NRG3: variants seen among roughly 807,000 people sequenced by gnomAD.
The protein encoded by NRG3 is neuregulin 3, also known as pro-neuregulin-3, membrane-bound isoform.
NRG3 carries 31 observed loss-of-function variants against 66.9 expected under a neutral mutation model. The observed-to-expected ratio is 0.46, with a 90% confidence interval of 0.35 to 0.63. The LOEUF (loss-of-function observed/expected upper bound fraction) is 0.63. Ranked by LOEUF, NRG3 falls within the 20% of genes least tolerant of loss-of-function variation. The probability of loss-of-function intolerance (pLI) is 0.00; values close to 1 mark genes in which losing one functional copy is unlikely to be tolerated. For synonymous variants in NRG3, 393 were observed against 359.4 expected, an observed-to-expected ratio of 1.09 and a Z score of -1.06; for missense variants, 910 against 878.9, an observed-to-expected ratio of 1.04 and a Z score of -0.45.
chr10:82,395,759 CCA>C (rs928507001), intron 2 of NRG3, among the ~76,000 whole-genome samples: 2 of 152,046 alleles, frequency 1.3e-5, no homozygotes, highest in African/African-American at 4.8e-5. Flanking sequence ...CTGTTGCTTT[CCA>C]CAGTCATGTG....
intron 1 of NRG3, among the ~76,000 whole-genome samples, chr10:82,225,942 T>C (rs2076144896): frequency 6.6e-6 from 1 of 152,154 alleles, no homozygotes; most frequent in Admixed American, 6.5e-5. Flanking sequence ...TCCATACCCG[T>C]TTCTTCTACG....
At chr10:82,020,005 C>T (rs554854637) in intron 1 of NRG3, among the ~76,000 whole-genome samples, 24 of 152,000 alleles carry the variant, frequency 1.6e-4, no homozygotes, top group African/African-American at 5.1e-4. Context: ...GCTCTTGCTT[C>T]TCTAGTTCTT....
chr10:82,495,867 C>A (rs1332594669), intron 2 of NRG3, among the ~76,000 whole-genome samples: 1 of 150,944 alleles, frequency 6.6e-6, no homozygotes, highest in Non-Finnish European at 1.5e-5. Flanking sequence ...TGGTGTCCTG[C>A]CACTTTCTCT....
At chr10:81,897,784 T>C (rs76984547) in intron 1 of NRG3, among the ~76,000 whole-genome samples, 1 of 152,228 alleles carries the variant, frequency 6.6e-6, no homozygotes, top group South Asian at 2.1e-4. Flanking sequence ...GAAGTGGATG[T>C]GGAGACCCAC....
Position 82,686,843 on chromosome 10 carries a change from C to A in NRG3, c.954-51734C>A, listed in dbSNP as rs368177211. 1.4e-4 allele frequency among the ~76,000 whole-genome samples: 22 copies of A among 152,168 alleles called. No individual in the cohort carries two copies. In the South Asian group the frequency reaches 2.3e-3, roughly 16 times the overall value. On this transcript the variant is annotated intron_variant, in intron 2 of 8. Transcript: ENST00000372141. ...CAAAAATCACTGAAATTGATCAATGCATATAGGTTTTGGGTCTATGAAAAA... is the reference window on the plus strand; with the variant it reads ...CAAAAATCACTGAAATTGATCAATGAATATAGGTTTTGGGTCTATGAAAAA...
chr10:82,953,659 T>C (rs1849739897), intron 5 of NRG3, among the ~76,000 whole-genome samples: 1 of 151,946 alleles, frequency 6.6e-6, no homozygotes, highest in Non-Finnish European at 1.5e-5. Context: ...ATCTACCTTA[T>C]AGAATTTTGT....
intron 1 of NRG3, among the ~76,000 whole-genome samples, chr10:82,249,623 A>G (rs894884655): frequency 1.1e-4 from 16 of 152,218 alleles, no homozygotes; most frequent in Non-Finnish European, 1.8e-4. Flanking sequence ...CAGAAGTGGG[A>G]AAAAGTTGTA....
intron 2 of NRG3, among the ~76,000 whole-genome samples, chr10:82,598,408 G>T (rs2047415428): frequency 6.6e-6 from 1 of 152,166 alleles, no homozygotes; most frequent in Non-Finnish European, 1.5e-5. Flanking sequence ...TGGGAGAAGG[G>T]CAATATGCAC....
At chr10:81,895,986 C>T (rs558534221) in intron 1 of NRG3, among the ~76,000 whole-genome samples, 8 of 152,016 alleles carry the variant, frequency 5.3e-5, no homozygotes, top group East Asian at 1.9e-4. Context: ...GAGCTAATTG[C>T]GGGATTTAAA....
chr10:82,856,327 T>C lies in NRG3; in HGVS notation c.1028-9084T>C, dbSNP rs9783168. 6.7e-3 allele frequency among the ~76,000 whole-genome samples: 1,015 copies of C among 152,252 alleles called. 12 individuals are homozygous for C. Among genetic ancestry groups the C allele is most frequent in the African/African-American group, 0.023 (963 of 41,538 alleles). ...CTTCAGTCCTGGGATTTGAGATTTT[T>C]TCCCATCCTAGGAATCTAGGAATCT... On this transcript the variant is annotated intron_variant, in intron 3 of 8. Coordinates refer to ENST00000372141, the MANE Select transcript of NRG3 (RefSeq NM_001010848.4).
chr10:82,879,377 C>A (rs1842097543), intron 4 of NRG3, among the ~76,000 whole-genome samples: 2 of 151,790 alleles, frequency 1.3e-5, no homozygotes, highest in South Asian at 4.2e-4. Flanking sequence ...CAATTTAGTT[C>A]TAGATTAATT....
intron 1 of NRG3, chr10:82,232,982 A>G: frequency 1.7e-6 from 1 of 603,330 alleles, no homozygotes; most frequent in Non-Finnish European, 3.0e-6. Context: ...AGACAGAAGA[A>G]TATTGTTTCC....
intron 1 of NRG3, among the ~76,000 whole-genome samples, chr10:81,970,000 C>T (rs920407411): frequency 2.6e-5 from 4 of 152,198 alleles, no homozygotes; most frequent in South Asian, 2.1e-4. Context: ...AATATTGCTT[C>T]TATCATAGTG....
intron 4 of NRG3, among the ~76,000 whole-genome samples, chr10:82,926,783 A>G (rs1345986309): frequency 6.6e-6 from 1 of 152,224 alleles, no homozygotes; most frequent in East Asian, 1.9e-4. Flanking sequence ...GTCTGTGGCA[A>G]TATTAAAGTG....
chr10:82,923,675 A>AATATTTGTAT (rs1846683874), intron 4 of NRG3, among the ~76,000 whole-genome samples: 21 of 152,304 alleles, frequency 1.4e-4, no homozygotes, highest in Admixed American at 1.3e-3. Flanking sequence ...TATAACCAGA[A>AATATTTGTAT]CATCAGGCAA....
intron 2 of NRG3, among the ~76,000 whole-genome samples, chr10:82,373,155 C>T (rs760147236): frequency 4.6e-5 from 7 of 152,326 alleles, no homozygotes; most frequent in Non-Finnish European, 8.8e-5. Flanking sequence ...GGTCAGGCAG[C>T]AGGTTACCAT....
chr10:81,982,664 T>G (rs1564710995), intron 1 of NRG3, among the ~76,000 whole-genome samples: 1 of 152,192 alleles, frequency 6.6e-6, no homozygotes, highest in Non-Finnish European at 1.5e-5. Flanking sequence ...TGATCTTTCC[T>G]TTGCACCTGA....
chr10:82,157,327 A>C (rs1896507), intron 1 of NRG3, among the ~76,000 whole-genome samples: 3,226 of 151,838 alleles, frequency 0.021, 133 homozygotes, highest in East Asian at 0.15. Context: ...AAGTATAAAA[A>C]GATATTTAAT....
At chr10:82,331,810 GC>G (rs1013281843) in intron 1 of NRG3, among the ~76,000 whole-genome samples, 34 of 152,188 alleles carry the variant, frequency 2.2e-4, no homozygotes, top group African/African-American at 7.7e-4. Context: ...CAGTTTTGGA[GC>G]TGGACTGTGC....
Sources: gnomAD v4.1 joint callset for allele counts (sites outside exome capture counted in the v4.1 genomes callset) on GRCh38, gnomAD v4.1.1 for gene constraint, MANE v1.5 for transcripts, NCBI Gene and HGNC (gene_info 2026-07-23, HGNC 2026-07-21) for gene names.